The following PDCL2 variants were observed in gnomAD, a reference collection of about 807,000 sequenced individuals.
PDCL2 encodes the protein phosducin like 2, also known as phosducin-like protein 2.
In PDCL2, 23 loss-of-function variants were observed where a neutral mutation model predicts 30.3. The ratio of observed to expected loss-of-function variants is 0.76; its 90% confidence interval spans 0.55 to 1.08. PDCL2 has a LOEUF of 1.08. PDCL2 is among the 50% of genes least tolerant of loss of function. The pLI is 0.00. For missense variants in PDCL2, 243 were observed against 282.3 expected, an observed-to-expected ratio of 0.86 and a Z score of 1.00; for synonymous variants, 68 against 86.2, an observed-to-expected ratio of 0.79 and a Z score of 1.17.
chr4:55,585,770 G>C (rs1366222981), intron 1 of PDCL2, among the ~76,000 whole-genome samples: 1 of 152,014 alleles, frequency 6.6e-6, no homozygotes, highest in Non-Finnish European at 1.5e-5. Context: ...ATCCACTGTT[G>C]GTAGGCTATA....
intron 3 of PDCL2, among the ~76,000 whole-genome samples, chr4:55,574,862 AT>A (rs1300085964): frequency 6.6e-6 from 1 of 152,132 alleles, no homozygotes; most frequent in African/African-American, 2.4e-5. Context: ...TTTTGAGGTT[AT>A]TGTGAATAAT....
chr4:55,557,752 G>A (rs1188079690), intron 5 of PDCL2, among the ~76,000 whole-genome samples: 1 of 151,832 alleles, frequency 6.6e-6, no homozygotes, highest in Non-Finnish European at 1.5e-5. Context: ...TCAGATATAG[G>A]TAAGACTCAA....
At chr4:55,578,101 C>T (rs1244868104) in intron 3 of PDCL2, among the ~76,000 whole-genome samples, 3 of 152,132 alleles carry the variant, frequency 2.0e-5, no homozygotes, top group African/African-American at 7.2e-5. Flanking sequence ...AGTAAATGCA[C>T]TGGCTTTCTA....
chr4:55,576,601 T>G (rs1732574822), intron 3 of PDCL2, among the ~76,000 whole-genome samples: 1 of 152,168 alleles, frequency 6.6e-6, no homozygotes, highest in Non-Finnish European at 1.5e-5. Context: ...GACGTTAATT[T>G]TTATCCTTAA....
At chr4:55,585,944 A>G (rs1732854013) in intron 1 of PDCL2, among the ~76,000 whole-genome samples, 1 of 152,114 alleles carries the variant, frequency 6.6e-6, no homozygotes, top group African/African-American at 2.4e-5. Flanking sequence ...AGTATAGCTA[A>G]GGTTTTGTTG....
At chr4:55,571,542 C>G (rs970965409) in intron 3 of PDCL2, among the ~76,000 whole-genome samples, 10 of 124,694 alleles carry the variant, frequency 8.0e-5, no homozygotes, top group Non-Finnish European at 1.7e-4. Context: ...AAAAAATTAG[C>G]CGGGCATGGT....
intron 4 of PDCL2, among the ~76,000 whole-genome samples, chr4:55,564,754 A>G (rs1732219666): frequency 6.6e-6 from 1 of 152,230 alleles, no homozygotes; most frequent in South Asian, 2.1e-4. Context: ...CATTGAAATT[A>G]TAGAATTTAG....
chr4:55,572,940 A>G (rs891661951), intron 3 of PDCL2, among the ~76,000 whole-genome samples: 13 of 152,034 alleles, frequency 8.6e-5, no homozygotes, highest in Non-Finnish European at 1.0e-4. Flanking sequence ...TTCTATTTTT[A>G]GTAGAGACAG....
At chr4:55,565,314 T>C (rs1249399017) in intron 4 of PDCL2, among the ~76,000 whole-genome samples, 3 of 152,122 alleles carry the variant, frequency 2.0e-5, no homozygotes, top group South Asian at 4.1e-4. Flanking sequence ...TCCGTTCTCA[T>C]GCTGCTAATA....
At chr4:55,559,889 T>G (rs1184563857) in intron 5 of PDCL2, among the ~76,000 whole-genome samples, 3 of 152,338 alleles carry the variant, frequency 2.0e-5, no homozygotes, top group Non-Finnish European at 4.4e-5. Context: ...GGACAAATAC[T>G]ATATGATTCC....
intron 3 of PDCL2, among the ~76,000 whole-genome samples, chr4:55,571,988 T>A (rs1329547062): frequency 6.6e-6 from 1 of 152,014 alleles, no homozygotes; most frequent in Admixed American, 6.6e-5. Context: ...TTCAGAAATT[T>A]CAAAATATTC....
chr4:55,576,177 T>C (rs2110162129), intron 3 of PDCL2, among the ~76,000 whole-genome samples: 1 of 152,292 alleles, frequency 6.6e-6, no homozygotes, highest in East Asian at 1.9e-4. Flanking sequence ...CTGCAACCTC[T>C]GCCTCCCAGG....
chr4:55,582,037 C>T (rs1732729064), intron 2 of PDCL2, 80 bp downstream of exon 2: 2 of 1,549,562 alleles, frequency 1.3e-6, no homozygotes, highest in Admixed American at 1.8e-5. Context: ...GTCCTCTCTC[C>T]CACTATGTTC....
At chr4:55,576,640 A>G (rs1461292350) in intron 3 of PDCL2, among the ~76,000 whole-genome samples, 1 of 152,188 alleles carries the variant, frequency 6.6e-6, no homozygotes, top group Non-Finnish European at 1.5e-5. Context: ...ACTAAAAGAT[A>G]CACAGAAAAT....
chr4:55,580,219 C>A (rs1461016140), intron 3 of PDCL2, among the ~76,000 whole-genome samples: 1 of 152,140 alleles, frequency 6.6e-6, no homozygotes, highest in Non-Finnish European at 1.5e-5. Flanking sequence ...TTATTATTTC[C>A]TTAAATTGCT....
Position 55,592,084 on chromosome 4 carries a change from C to T in PDCL2, c.6+20G>A. The T allele has an allele frequency of 3.1e-6, 5 of 1,607,974 alleles. No individual in the cohort carries two copies. Among genetic ancestry groups the T allele is most frequent in the Non-Finnish European group, 4.2e-6 (5 of 1,177,936 alleles). On this transcript the variant is annotated intron_variant, in intron 1 of 5. Transcript: ENST00000295645. ...ACCCACTGGGTGTTCCAGGGTGGCT[C>T]GGCAGGTCCCGACCCTCACCTGCAT... is the stretch of plus-strand genomic sequence containing the variant.
intron 1 of PDCL2, among the ~76,000 whole-genome samples, chr4:55,591,281 T>G (rs1266505290): frequency 6.6e-6 from 1 of 151,654 alleles, no homozygotes; most frequent in African/African-American, 2.4e-5. Context: ...GAAAGACAAT[T>G]TTACTGTACC....
chr4:55,574,008 C>T (rs1010105056), intron 3 of PDCL2, among the ~76,000 whole-genome samples: 1 of 151,888 alleles, frequency 6.6e-6, no homozygotes, highest in African/African-American at 2.4e-5. Context: ...ATTCTCCTGC[C>T]TCAGCCTCCC....
Position 55,556,531 on chromosome 4 carries a change from A to G in PDCL2, c.*26T>C. 2.1e-6 allele frequency: 3 copies of G among 1,459,778 alleles called. No individual in the cohort carries two copies. The highest frequency in any genetic ancestry group is 2.8e-6 in the Non-Finnish European group (3 of 1,087,156). The allele number at this position is 1,459,778 out of a possible 1,614,324, so 90.4% of individuals were successfully genotyped here. On this transcript the variant is annotated 3_prime_UTR_variant, in exon 6 of 6. Coordinates refer to ENST00000295645, the MANE Select transcript of PDCL2 (RefSeq NM_152401.3). ...GTAAAACATTCAGTACACATATACT[A>G]AAAGCTATTTATTGAATATTTCTCT... is the stretch of plus-strand genomic sequence containing the variant.
Sources: gnomAD v4.1 joint callset for allele counts (sites outside exome capture counted in the v4.1 genomes callset) on GRCh38, gnomAD v4.1.1 for gene constraint, MANE v1.5 for transcripts, NCBI Gene and HGNC (gene_info 2026-07-23, HGNC 2026-07-21) for gene names.